DAAM1: variants seen among roughly 807,000 people sequenced by gnomAD.
DAAM1 encodes disheveled-associated activator of morphogenesis 1.
DAAM1 carries 52 observed loss-of-function variants against 130.0 expected under a neutral mutation model. The observed-to-expected ratio is 0.40, with a 90% CI of 0.32 to 0.50. The LOEUF is 0.50. Ranked by LOEUF, DAAM1 falls within the 20% of genes least tolerant of loss-of-function variation. DAAM1 has a pLI of 0.61. For synonymous variants in DAAM1, 452 were observed against 444.5 expected, an observed-to-expected ratio of 1.02 and a Z score of -0.21; for missense variants, 1,134 against 1,303.8, an observed-to-expected ratio of 0.87 and a Z score of 2.01.
intron 1 of DAAM1, among the ~76,000 whole-genome samples, chr14:59,190,809 C>T (rs962023084): frequency 2.0e-5 from 3 of 152,146 alleles, no homozygotes; most frequent in Non-Finnish European, 4.4e-5. Flanking sequence ...TGTCCTTTTT[C>T]GTCCCCGACC....
intron 1 of DAAM1, among the ~76,000 whole-genome samples, chr14:59,236,757 C>T (rs1264734755): frequency 6.6e-6 from 1 of 152,078 alleles, no homozygotes. Flanking sequence ...TGCTGGGCCT[C>T]CAACACCTAG....
chr14:59,232,220 G>C (rs1163646187), intron 1 of DAAM1, among the ~76,000 whole-genome samples: 2 of 152,170 alleles, frequency 1.3e-5, no homozygotes, highest in Non-Finnish European at 1.5e-5. Flanking sequence ...CATGAGGAGA[G>C]CTTGTTCTGC....
In DAAM1 at chr14:59,367,303, T is replaced by A. The variant is rs529305058; in HGVS notation, c.2827-126T>A. On this transcript the variant is annotated intron_variant, in intron 23 of 24. Transcript: ENST00000360909. ...TCCATCTCCAAAAGAAAGAAAGAAATAAAAATAAATGAGCAAACAAAACTT... is the reference window on the plus strand; with the variant it reads ...TCCATCTCCAAAAGAAAGAAAGAAAAAAAAATAAATGAGCAAACAAAACTT... 51 of 1,414,506 alleles carry A rather than the reference T, an allele frequency of 3.6e-5. No individual in the cohort carries two copies. In the African/African-American group the frequency reaches 7.1e-4, roughly 20 times the overall value. 87.6% of individuals were successfully genotyped at this position (1,414,506 alleles called of 1,614,324 possible).
rs895963530 is a variant in DAAM1, at chr14:59,370,094, C to G, written c.*1235C>G. 8 of 147,640 alleles carry G rather than the reference C, an allele frequency of 5.4e-5. No homozygotes were observed. Among genetic ancestry groups the G allele is most frequent in the African/African-American group, 1.7e-4 (7 of 40,356 alleles). The allele number at this position is 147,640 out of a possible 1,614,324, so 9.1% of individuals were successfully genotyped here. A position where few individuals can be genotyped will look rare whatever the true frequency, so the allele number is the denominator to read the frequency against. ...GATGCTTACCATTAACCTACCAACT[C>G]TTAATATCCTTAAATTATGTGATAT... is the stretch of plus-strand genomic sequence containing the variant. On this transcript the variant is annotated 3_prime_UTR_variant, in exon 25 of 25. Coordinates refer to ENST00000360909, the MANE Select transcript of DAAM1 (RefSeq NM_001270520.2).
chr14:59,201,530 C>T (rs1046333835), intron 1 of DAAM1, among the ~76,000 whole-genome samples: 2 of 151,606 alleles, frequency 1.3e-5, no homozygotes, highest in East Asian at 2.0e-4. Context: ...CAGGAGAATT[C>T]GCTTGAACCT....
intron 20 of DAAM1, 51 bp downstream of exon 20, chr14:59,355,384 G>A: frequency 6.2e-7 from 1 of 1,605,650 alleles, no homozygotes; most frequent in Non-Finnish European, 8.5e-7. Context: ...GTAGGTCCAG[G>A]CTCAGATTTA....
intron 4 of DAAM1, among the ~76,000 whole-genome samples, chr14:59,319,975 T>G (rs1884946754): frequency 6.6e-6 from 1 of 152,130 alleles, no homozygotes; most frequent in African/African-American, 2.4e-5. Flanking sequence ...CTAAATGATG[T>G]TGAATAATTT....
At chr14:59,245,101 TGTATAG>T (rs1338882768) in intron 1 of DAAM1, among the ~76,000 whole-genome samples, 1 of 152,180 alleles carries the variant, frequency 6.6e-6, no homozygotes, top group Admixed American at 6.5e-5. Context: ...ATGAAATGAA[TGTATAG>T]GAGTTAAGCA....
chr14:59,359,180 C>A, intron 20 of DAAM1: 2 of 424,286 alleles, frequency 4.7e-6, no homozygotes, highest in Non-Finnish European at 8.6e-6. Context: ...TATATCTATG[C>A]AATCCCCATG....
chr14:59,284,882 T>C (rs1365966223), intron 2 of DAAM1, among the ~76,000 whole-genome samples: 1 of 152,118 alleles, frequency 6.6e-6, no homozygotes, highest in Non-Finnish European at 1.5e-5. Context: ...TTGGAAAATA[T>C]ATTTGAGGAT....
intron 1 of DAAM1, among the ~76,000 whole-genome samples, chr14:59,252,775 A>G (rs1271500): frequency 0.14 from 21,198 of 152,214 alleles, 1,669 homozygotes; most frequent in Middle Eastern, 0.19. Context: ...CTCAAAAGCC[A>G]TCAAACATTT....
At chr14:59,224,188 G>A (rs890786540) in intron 1 of DAAM1, among the ~76,000 whole-genome samples, 4 of 152,222 alleles carry the variant, frequency 2.6e-5, no homozygotes, top group Non-Finnish European at 4.4e-5. Context: ...CAGGTACCAG[G>A]TGATATGCTG....
Position 59,195,378 on chromosome 14 carries a change from C to T in DAAM1, c.-38+6610C>T, listed in dbSNP as rs181658426. On this transcript the variant is annotated intron_variant, in intron 1 of 24. Coordinates refer to ENST00000360909, the MANE Select transcript of DAAM1 (RefSeq NM_001270520.2). Reference sequence around the variant, plus strand: ...CAGGATGGTCTCAATCTCCTGATCTCGTGATCCGCCTGCCTCGGCCTCCCA... The same window carrying T: ...CAGGATGGTCTCAATCTCCTGATCTTGTGATCCGCCTGCCTCGGCCTCCCA... Among the ~76,000 whole-genome samples the T allele has an allele frequency of 6.4e-3, 974 of 152,160 alleles. 8 individuals are homozygous for T. Among genetic ancestry groups the T allele is most frequent in the African/African-American group, 0.023 (939 of 41,512 alleles).
At chr14:59,278,056 A>T (rs1444167918) in intron 2 of DAAM1, among the ~76,000 whole-genome samples, 4 of 152,164 alleles carry the variant, frequency 2.6e-5, no homozygotes, top group Non-Finnish European at 5.9e-5. Flanking sequence ...AATAACTAAT[A>T]ATAAAATAGA....
intron 22 of DAAM1, chr14:59,363,383 C>A: frequency 3.4e-6 from 1 of 295,988 alleles, no homozygotes; most frequent in Non-Finnish European, 6.3e-6. Flanking sequence ...TGCTTGCTTT[C>A]TAAAGCCTGA....
At chr14:59,196,283 GAGAT>G (rs1460451173) in intron 1 of DAAM1, among the ~76,000 whole-genome samples, 2 of 152,194 alleles carry the variant, frequency 1.3e-5, no homozygotes, top group Admixed American at 6.5e-5. Context: ...TTCACCAGAT[GAGAT>G]AGATTGTTCA....
intron 1 of DAAM1, among the ~76,000 whole-genome samples, chr14:59,215,778 T>C (rs1203110484): frequency 6.6e-6 from 1 of 152,092 alleles, no homozygotes; most frequent in Admixed American, 6.5e-5. Flanking sequence ...CCAAGGAATG[T>C]CATTTTTGTT....
At chr14:59,320,270 A>G (rs1884955520) in intron 4 of DAAM1, among the ~76,000 whole-genome samples, 1 of 152,222 alleles carries the variant, frequency 6.6e-6, no homozygotes, top group Non-Finnish European at 1.5e-5. Flanking sequence ...AAGTGTAATT[A>G]TAGAATAGTT....
chr14:59,281,599 C>T (rs1387678257), intron 2 of DAAM1, among the ~76,000 whole-genome samples: 1 of 151,926 alleles, frequency 6.6e-6, no homozygotes, highest in African/African-American at 2.4e-5. Flanking sequence ...GGGACCTTTA[C>T]CTGCTAAGGA....
Sources: gnomAD v4.1 joint callset for allele counts (sites outside exome capture counted in the v4.1 genomes callset) on GRCh38, gnomAD v4.1.1 for gene constraint, MANE v1.5 for transcripts, NCBI Gene and HGNC (gene_info 2026-07-23, HGNC 2026-07-21) for gene names.